TRIM67: variants seen among roughly 807,000 people sequenced by gnomAD.
TRIM67 encodes tripartite motif-containing protein 67.
A neutral mutation model predicts 71.0 loss-of-function variants in TRIM67; 39 were observed. The ratio of observed to expected loss-of-function variants is 0.55; its 90% confidence interval spans 0.43 to 0.72. The LOEUF is 0.72. TRIM67 is among the 30% of genes least tolerant of loss of function. The pLI is 0.00. For synonymous variants in TRIM67, 481 were observed against 473.9 expected, an observed-to-expected ratio of 1.01 and a Z score of -0.19; for missense variants, 973 against 1,079.2, an observed-to-expected ratio of 0.90 and a Z score of 1.38.
At position 231,163,373 on chromosome 1, in the gene TRIM67, C is replaced by A; in HGVS notation, c.404C>A (p.Pro135His). 6.5e-7 allele frequency: 1 copy of A among 1,535,684 alleles called. No homozygotes were observed. The highest frequency in any genetic ancestry group is 1.4e-5 in the African/African-American group (1 of 70,810). Residue 135 changes from proline to histidine, a missense_variant, in exon 1 of 10, where the codon CCC becomes CAC. By Grantham distance (77) the Pro-to-His change is moderately conservative (BLOSUM62 -2). Around this residue, in one of 2 missense-constraint regions of TRIM67, gnomAD observed 795 missense variants for 831.3 expected, o/e 0.96. Coordinates refer to ENST00000366653, the MANE Select transcript of TRIM67 (RefSeq NM_001004342.5). ...VRVLPMVPAPPGSSAAAARGA... is the reference protein window; with the variant it reads ...VRVLPMVPAPHGSSAAAARGA... ...GTGCTGCCCATGGTGCCCGCACCAC[C>A]CGGCTCCTCGGCTGCGGCGGCTCGG...
chr1:231,200,068 A>C (rs2102748896), intron 3 of TRIM67, 80 bp from the exon 4 acceptor site: 1 of 1,074,104 alleles, frequency 9.3e-7, no homozygotes, highest in East Asian at 2.4e-5. Context: ...CTGTATTGGC[A>C]CTAGTTCTCT....
chr1:231,208,938 C>G lies in TRIM67; in HGVS notation c.1820-9C>G. 1 of 1,565,052 alleles carries G rather than the reference C, an allele frequency of 6.4e-7. No individual in the cohort carries two copies. The highest frequency in any genetic ancestry group is 1.3e-5 in the African/African-American group (1 of 74,122). ...CTGACCCTGCTCCTCTCACCTCCTC[C>G]CTTTTTAGTGGCCTGGTTCACATTT... is the stretch of plus-strand genomic sequence containing the variant. On this transcript the variant is annotated splice_polypyrimidine_tract_variant and intron_variant, in intron 7 of 9. Coordinates refer to ENST00000366653, the MANE Select transcript of TRIM67 (RefSeq NM_001004342.5).
intron 1 of TRIM67, among the ~76,000 whole-genome samples, chr1:231,174,350 T>G (rs1189632410): frequency 1.3e-5 from 2 of 150,394 alleles, no homozygotes; most frequent in Non-Finnish European, 3.0e-5. Context: ...TTTTTTTTTG[T>G]AGAGGTTGCA....
At chr1:231,194,109 T>C (rs1683306978) in intron 1 of TRIM67, among the ~76,000 whole-genome samples, 1 of 152,232 alleles carries the variant, frequency 6.6e-6, no homozygotes, top group African/African-American at 2.4e-5. Flanking sequence ...AATCCGTGTT[T>C]GTGGCTGAAG....
chr1:231,176,906 C>CAAAAAAAAAAAAAAAAAAAAAAAAAAAA lies in TRIM67; in HGVS notation c.1044+12910_1044+12911insAAAAAAAAAAAAAAAAAAAAAAAAAAAA, dbSNP rs56115614. 1.2e-4 allele frequency among the ~76,000 whole-genome samples: 9 copies of CAAAAAAAAAAAAAAAAAAAAAAAAAAAA among 74,406 alleles called. 1 individual carries two copies. Among genetic ancestry groups the CAAAAAAAAAAAAAAAAAAAAAAAAAAAA allele is most frequent in the East Asian group, 8.9e-4 (2 of 2,254 alleles). The allele number at this position is 74,406 out of a possible 152,430, so 48.8% of individuals were successfully genotyped here. A position where few individuals can be genotyped will look rare whatever the true frequency, so the allele number is the denominator to read the frequency against. ...TACCCTGTTTGCCAATACAATCTGG[C>CAAAAAAAAAAAAAAAAAAAAAAAAAAAA]AAAAAAAAAAAAAAAAACACCTTTC... On this transcript the variant is annotated intron_variant, in intron 1 of 9. Coordinates refer to ENST00000366653, the MANE Select transcript of TRIM67 (RefSeq NM_001004342.5).
chr1:231,205,559 C>G (rs1292957657), intron 6 of TRIM67, among the ~76,000 whole-genome samples: 1 of 152,066 alleles, frequency 6.6e-6, no homozygotes, highest in Non-Finnish European at 1.5e-5. Context: ...AACCCCATCT[C>G]TACTTAAAAT....
rs1418821708 is a variant in TRIM67 at position 231,163,639 on chromosome 1, G to A, written c.670G>A (p.Glu224Lys). The A allele has an allele frequency of 2.0e-6, 3 of 1,524,484 alleles. No individual in the cohort carries two copies. The South Asian group carries it at 3.7e-5, about 19-fold the overall frequency. The allele number at this position is 1,524,484 out of a possible 1,614,324, so 94.4% of individuals were successfully genotyped here. A position where few individuals can be genotyped will look rare whatever the true frequency, so the allele number is the denominator to read the frequency against. ...TPPEPAATLC[E>K]QCDVLYCSAC... ...GCCAGAGCCAGCAGCCACGCTCTGC[G>A]AGCAGTGCGACGTCCTCTACTGCTC... is the stretch of plus-strand genomic sequence containing the variant. Residue 224 changes from glutamate (E) to lysine (K), a missense_variant, in exon 1 of 10, where the codon GAG becomes AAG. Around this residue, in one of 2 missense-constraint regions of TRIM67, gnomAD observed 795 missense variants for 831.3 expected, o/e 0.96. Coordinates refer to ENST00000366653, the MANE Select transcript of TRIM67 (RefSeq NM_001004342.5).
chr1:231,178,304 A>C (rs1010160573), intron 1 of TRIM67, among the ~76,000 whole-genome samples: 1 of 152,204 alleles, frequency 6.6e-6, no homozygotes, highest in African/African-American at 2.4e-5. Flanking sequence ...GAGGCAGGAG[A>C]ATACGGGGAA....
Position 231,218,330 on chromosome 1 carries a change from G to C in TRIM67, c.*2890G>C. The C allele has an allele frequency of 4.1e-6, 4 of 986,516 alleles. No homozygotes were observed. The highest frequency in any genetic ancestry group is 4.7e-5 in the South Asian group (1 of 21,350). 61.1% of individuals were successfully genotyped at this position (986,516 alleles called of 1,614,324 possible). ...GTTGGGCTGGCTGAGGAGTAACTTG[G>C]TGTAAATCTATCAAGCAGTTTCAGT... On this transcript the variant is annotated 3_prime_UTR_variant, in exon 10 of 10. Coordinates refer to ENST00000366653, the MANE Select transcript of TRIM67 (RefSeq NM_001004342.5).
chr1:231,181,699 G>A (rs566951199), intron 1 of TRIM67, among the ~76,000 whole-genome samples: 4 of 151,738 alleles, frequency 2.6e-5, no homozygotes, highest in South Asian at 2.1e-4. Flanking sequence ...ATTTTTTTTC[G>A]TGGCTTTTTT....
At chr1:231,176,117 T>A (rs1682740394) in intron 1 of TRIM67, among the ~76,000 whole-genome samples, 1 of 152,168 alleles carries the variant, frequency 6.6e-6, no homozygotes, top group Non-Finnish European at 1.5e-5. Flanking sequence ...GAAGGAGAAA[T>A]GTCATCTTGT....
intron 7 of TRIM67, 52 bp downstream of exon 7, chr1:231,206,842 T>C (rs1683716513): frequency 2.0e-6 from 3 of 1,514,026 alleles, no homozygotes; most frequent in South Asian, 1.3e-5. Flanking sequence ...TTTTATCCAG[T>C]GACAACCAGA....
rs1469214165 is a variant in TRIM67 at position 231,200,200 on chromosome 1, G to T, written c.1316G>T (p.Gly439Val). ...ACATTGAAGCTGCGTCAGTCCACCG[G>T]ACTGATGGAGTACTGCCTGGAGGTG... ...HCTLKLRQST[G>V]LMEYCLEVIK... The change falls in exon 4 of 10, where the codon GGA (glycine) becomes GTA (valine). Residue 439 changes from glycine to valine, a missense_variant. Physicochemically the swap from Gly to Val is moderately radical, Grantham distance 109. This residue lies in a region of TRIM67 where 795 missense variants were observed against 831.3 expected (regional missense o/e 0.96). Coordinates refer to ENST00000366653, the MANE Select transcript of TRIM67 (RefSeq NM_001004342.5). 1 of 1,613,936 alleles carries T rather than the reference G, an allele frequency of 6.2e-7. No individual in the cohort carries two copies.
At chr1:231,185,086 C>A in intron 1 of TRIM67, 1 of 1,532,866 alleles carries the variant, frequency 6.5e-7, no homozygotes, top group Non-Finnish European at 8.7e-7. Flanking sequence ...GAGAGCAGGG[C>A]ACTTCGGTCA....
At chr1:231,202,103 G>A (rs1683551293) in intron 5 of TRIM67, among the ~76,000 whole-genome samples, 2 of 7,332 alleles carry the variant, frequency 2.7e-4, no homozygotes. Flanking sequence ...TAATGGAGGA[G>A]GAGGAGGAGG....
chr1:231,165,772 G>T (rs907975765), intron 1 of TRIM67, among the ~76,000 whole-genome samples: 1 of 152,082 alleles, frequency 6.6e-6, no homozygotes, highest in African/African-American at 2.4e-5. Flanking sequence ...TGTAAAAAGG[G>T]CTGTGACCAA....
chr1:231,188,403 A>T (rs1683142649), intron 1 of TRIM67, among the ~76,000 whole-genome samples: 1 of 152,194 alleles, frequency 6.6e-6, no homozygotes, highest in South Asian at 2.1e-4. Context: ...TCATTGGCAG[A>T]CAGGCAACCC....
chr1:231,184,955 G>C, intron 1 of TRIM67: 6 of 1,433,730 alleles, frequency 4.2e-6, no homozygotes, highest in Non-Finnish European at 4.7e-6. Flanking sequence ...CAGCTCTAAG[G>C]GTTGCTGGAT....
At chr1:231,169,998 T>C (rs571729641) in intron 1 of TRIM67, among the ~76,000 whole-genome samples, 1 of 149,400 alleles carries the variant, frequency 6.7e-6, no homozygotes, top group South Asian at 2.1e-4. Context: ...TCTCTCTTTT[T>C]TTTTTGAGTT....
Sources: allele counts gnomAD v4.1 joint callset (sites outside exome capture counted in the v4.1 genomes callset), GRCh38; gene constraint gnomAD v4.1.1; regional missense constraint gnomAD v4.1.1; transcripts MANE v1.5; gene names NCBI Gene and HGNC (gene_info 2026-07-23, HGNC 2026-07-21).